The following TLE6 variants were observed in gnomAD, a reference collection of about 807,000 sequenced individuals.
The protein encoded by TLE6 is transducin-like enhancer protein 6.
In TLE6, 72 loss-of-function variants were observed where a neutral mutation model predicts 77.1. That is an observed-to-expected ratio of 0.93 (90% CI 0.77 to 1.14). TLE6 has a LOEUF of 1.14. Ranked by LOEUF, TLE6 falls within the 50% of genes most tolerant of loss-of-function variation. The probability of loss-of-function intolerance (pLI) is 0.00; values close to 1 mark genes in which losing one functional copy is unlikely to be tolerated. For synonymous variants in TLE6, 366 were observed against 287.3 expected (o/e 1.27, Z -2.77); for missense variants, 843 against 747.6 (o/e 1.13, Z -1.49).
At chr19:2,991,100 A>G (rs2089045078) in intron 13 of TLE6, among the ~76,000 whole-genome samples, 1 of 151,798 alleles carries the variant, frequency 6.6e-6, no homozygotes, top group African/African-American at 2.4e-5. Context: ...ATGGTGGCTC[A>G]TGCCTGTAAT....
Position 2,989,291 on chromosome 19 carries a change from C to G in TLE6, c.971C>G (p.Pro324Arg). The G allele has an allele frequency of 2.5e-6, 4 of 1,613,174 alleles. No homozygotes were observed. Among genetic ancestry groups the G allele is most frequent in the Non-Finnish European group, 3.4e-6 (4 of 1,180,034 alleles). The change falls in exon 12 of 17, where the codon CCT (proline) becomes CGT (arginine). Residue 324 changes from proline to arginine, a missense_variant. Transcript: ENST00000246112. ...LTGQVAEDRF[P>R]ESHLPIQTPG... is the part of the protein sequence containing the mutation. ...GGACAGGTGGCTGAGGACAGGTTCC[C>G]TGAGAGCCACCTGCCTATACAGGTG... is the stretch of plus-strand genomic sequence containing the variant.
In TLE6 at chr19:2,987,922, C is replaced by CCAGT. The variant is rs1555685329; in HGVS notation, c.652_655dup (p.Pro219GlnfsTer4). On this transcript the variant is annotated frameshift_variant, in exon 10 of 17. Transcript: ENST00000246112. LOFTEE classifies it high-confidence loss of function. ...GCCCCCAGGCCACCTGAGGCCTCCT[C>CCAGT]CAGTCCCCCTGAGGGTTCCCAAGAC... 1 of 1,610,016 alleles carries CCAGT rather than the reference C, an allele frequency of 6.2e-7. No individual in the cohort carries two copies. The highest frequency in any genetic ancestry group is 8.5e-7 in the Non-Finnish European group (1 of 1,177,440).
chr19:2,991,852 G>A lies in TLE6; in HGVS notation c.1254G>A (p.Lys418=). 6.2e-7 allele frequency: 1 copy of A among 1,613,812 alleles called. No homozygotes were observed. The highest frequency in any genetic ancestry group is 8.5e-7 in the Non-Finnish European group (1 of 1,179,960). ...TGTCCCTTCTGGCCAGGGACCTCAA[G>A]GGTTATCCTGATGGAGTCAAGAGTA... ...LRDQSVVRDL[K]GYPDGVKSIV... is the part of the protein sequence containing the mutation. The change falls in exon 14 of 17, where the codon AAG becomes AAA. Residue 418 remains lysine, a synonymous_variant. Coordinates refer to ENST00000246112, the MANE Select transcript of TLE6 (RefSeq NM_001143986.2).
intron 3 of TLE6, among the ~76,000 whole-genome samples, chr19:2,981,049 TA>T (rs879544850): frequency 7.9e-4 from 112 of 141,740 alleles, no homozygotes; most frequent in African/African-American, 2.5e-3. Flanking sequence ...AGATTCTGTT[TA>T]AAAAAAAAAA....
chr19:2,979,627 A>AT (rs1304096024), intron 2 of TLE6, among the ~76,000 whole-genome samples: 2 of 152,016 alleles, frequency 1.3e-5, no homozygotes, highest in East Asian at 3.9e-4. Context: ...CCAAAGTGCA[A>AT]AATGGAAGAT....
intron 1 of TLE6, 136 bp from the exon 2 acceptor site, chr19:2,978,062 G>A (rs904450479): frequency 1.9e-5 from 12 of 636,742 alleles, no homozygotes; most frequent in African/African-American, 9.2e-5. Flanking sequence ...CCTAGGGAAC[G>A]CATGGGAGAA....
intron 14 of TLE6, among the ~76,000 whole-genome samples, chr19:2,993,125 C>T (rs1281821696): frequency 6.6e-6 from 1 of 150,842 alleles, no homozygotes; most frequent in Admixed American, 6.6e-5. Flanking sequence ...GCGGGAGAAT[C>T]GCTTAAACCC....
chr19:2,989,282 A>T lies in TLE6; in HGVS notation c.962A>T (p.Asp321Val), dbSNP rs754701022. 1 of 1,613,404 alleles carries T rather than the reference A, an allele frequency of 6.2e-7. No homozygotes were observed. Among genetic ancestry groups the T allele is most frequent in the Non-Finnish European group, 8.5e-7 (1 of 1,180,030 alleles). The stretch of plus-strand genomic sequence containing the variant: ...AGCCTGACTGGACAGGTGGCTGAGG[A>T]CAGGTTCCCTGAGAGCCACCTGCCT... ...VWSLTGQVAE[D>V]RFPESHLPIQ... The change falls in exon 12 of 17, where the codon GAC (aspartate) becomes GTC (valine). Residue 321 changes from aspartate (D) to valine (V), a missense_variant. Asp to Val is a radical substitution (Grantham distance 152). Transcript: ENST00000246112.
At chr19:2,980,838 C>T (rs1055624826) in intron 3 of TLE6, among the ~76,000 whole-genome samples, 12 of 150,108 alleles carry the variant, frequency 8.0e-5, no homozygotes, top group African/African-American at 2.9e-4. Flanking sequence ...ATCGCTTGAG[C>T]CCGGAGTTCA....
At chr19:2,989,369 G>A in intron 12 of TLE6, 56 bp downstream of exon 12, 2 of 1,601,734 alleles carry the variant, frequency 1.2e-6, no homozygotes, top group African/African-American at 1.3e-5. Context: ...GGGGGTTTGA[G>A]GTTTGAGTCT....
In TLE6 at chr19:2,991,923, G is replaced by A. The variant is rs2089075994; in HGVS notation, c.1325G>A (p.Cys442Tyr). ...ATCTGGACTGGGGGTCCGGATGCCT[G>A]TCTGCGGTGCTGGGACCAGAGGACC... ...YNIWTGGPDACLRCWDQRTIM... is the reference protein window; with the variant it reads ...YNIWTGGPDAYLRCWDQRTIM... The change falls in exon 14 of 17, where the codon TGT becomes TAT. Residue 442 changes from cysteine to tyrosine, a missense_variant. By Grantham distance (194) the Cys-to-Tyr change is radical. Coordinates refer to ENST00000246112, the MANE Select transcript of TLE6 (RefSeq NM_001143986.2). 1 of 1,613,988 alleles carries A rather than the reference G, an allele frequency of 6.2e-7. No individual in the cohort carries two copies. The highest frequency in any genetic ancestry group is 8.5e-7 in the Non-Finnish European group (1 of 1,179,994).
At position 2,989,711 on chromosome 19, in the gene TLE6, T is replaced by TGCCAACCTGGCC; in HGVS notation, c.1171_1182dup (p.Ala391_Ala394dup). ...GCCAGGCCCTGGATGCCAACCTGGA[T>TGCCAACCTGGCC]GCCAACCTGGCCTTCGCCAGCTTCA... On this transcript the variant is annotated inframe_insertion, in exon 13 of 17. Transcript: ENST00000246112. 6.2e-7 allele frequency: 1 copy of TGCCAACCTGGCC among 1,614,142 alleles called. No individual in the cohort carries two copies. Among genetic ancestry groups the TGCCAACCTGGCC allele is most frequent in the Non-Finnish European group, 8.5e-7 (1 of 1,179,982 alleles).
In TLE6 at chr19:2,995,062, C is replaced by CCCG; in HGVS notation, c.*60_*61insGCC. The CCCG allele has an allele frequency of 9.7e-7, 1 of 1,029,504 alleles. No homozygotes were observed. The highest frequency in any genetic ancestry group is 1.5e-6 in the Non-Finnish European group (1 of 686,882). 63.8% of individuals were successfully genotyped at this position (1,029,504 alleles called of 1,614,324 possible). ...CTCTTTTCATCCCCCCCCTTCCCCC[C>CCCG]CCCCAACAAGGGGGACATGGTGGAG... is the stretch of plus-strand genomic sequence containing the variant. On this transcript the variant is annotated 3_prime_UTR_variant, in exon 17 of 17. Transcript: ENST00000246112.
Position 2,984,934 on chromosome 19 carries a change from TTTG to T in TLE6, c.223-1886_223-1884del, listed in dbSNP as rs968247659. 5.8e-4 allele frequency among the ~76,000 whole-genome samples: 89 copies of T among 152,252 alleles called. 1 individual carries two copies. The highest frequency in any genetic ancestry group is 4.7e-3 in the Admixed American group (72 of 15,260). On this transcript the variant is annotated intron_variant, in intron 5 of 16. Transcript: ENST00000246112. Reference sequence around the variant, plus strand: ...TTGACAGTGGTCAGATGGCTTGATTTTTGTTGTTGTTTGTTCGTTTTAAATAAA... The same window carrying T: ...TTGACAGTGGTCAGATGGCTTGATTTTTGTTGTTTGTTCGTTTTAAATAAA...
At chr19:2,980,321 C>T in intron 3 of TLE6, 139 bp downstream of exon 3, 1 of 585,050 alleles carries the variant, frequency 1.7e-6, no homozygotes, top group South Asian at 2.2e-5. Context: ...TGCAGATACC[C>T]AGCATGGAGA....
intron 15 of TLE6, 80 bp from the exon 16 acceptor site, chr19:2,993,939 A>T: frequency 1.1e-6 from 1 of 947,706 alleles, no homozygotes; most frequent in East Asian, 2.7e-5. Context: ...AAAAAAAAAA[A>T]AAAGGTGGGT....
At chr19:2,986,384 C>A (rs2088911023) in intron 5 of TLE6, among the ~76,000 whole-genome samples, 2 of 151,414 alleles carry the variant, frequency 1.3e-5, no homozygotes, top group South Asian at 4.2e-4. Flanking sequence ...CCACTGCACT[C>A]CAGCCTGGGT....
At chr19:2,993,832 C>G (rs2089143309) in intron 15 of TLE6, among the ~76,000 whole-genome samples, 187 bp from the exon 16 acceptor site, 1 of 151,064 alleles carries the variant, frequency 6.6e-6, no homozygotes, top group African/African-American at 2.5e-5. Flanking sequence ...CTGGTGTCCC[C>G]ATGAGCCCGG....
chr19:2,986,587 A>C (rs1209735719), intron 5 of TLE6, among the ~76,000 whole-genome samples: 6 of 151,420 alleles, frequency 4.0e-5, no homozygotes. Flanking sequence ...GGTGGTGTGC[A>C]CCTGTAATCC....
Sources: allele counts gnomAD v4.1 joint callset (sites outside exome capture counted in the v4.1 genomes callset), GRCh38; gene constraint gnomAD v4.1.1; transcripts MANE v1.5; gene names NCBI Gene and HGNC (gene_info 2026-07-23, HGNC 2026-07-21).